FOXN3: variants seen among roughly 807,000 people sequenced by gnomAD.
FOXN3 encodes the protein forkhead box N3.
FOXN3 carries 7 observed loss-of-function variants against 38.4 expected under a neutral mutation model. That is an observed-to-expected ratio of 0.18 (90% confidence interval 0.10 to 0.34). The LOEUF (loss-of-function observed/expected upper bound fraction) is 0.34, where lower values mean the gene tolerates loss of function less well. FOXN3 is among the 10% of genes least tolerant of loss of function. The probability of loss-of-function intolerance (pLI) is 1.00; values close to 1 mark genes in which losing one functional copy is unlikely to be tolerated. For synonymous variants in FOXN3, 230 were observed against 242.2 expected (o/e 0.95, Z 0.47); for missense variants, 456 against 613.4 (o/e 0.74, Z 2.71).
chr14:89,333,181 G>C (rs1888304117), intron 3 of FOXN3: 1 of 161,700 alleles, frequency 6.2e-6, no homozygotes, highest in Non-Finnish European at 1.4e-5. Flanking sequence ...TGTAATCCCA[G>C]CACTTGGGAA....
chr14:89,550,731 G>A (rs565159578), intron 1 of FOXN3, among the ~76,000 whole-genome samples: 9 of 152,222 alleles, frequency 5.9e-5, no homozygotes, highest in South Asian at 4.2e-4. Flanking sequence ...CTGAGTCCTC[G>A]GGCGACTGCT....
chr14:89,596,112 TTTTA>T (rs953090163), intron 1 of FOXN3, among the ~76,000 whole-genome samples: 2 of 152,148 alleles, frequency 1.3e-5, no homozygotes, highest in African/African-American at 4.8e-5. Flanking sequence ...TTGTTTAGAA[TTTTA>T]TTTATTTATT....
intron 1 of FOXN3, among the ~76,000 whole-genome samples, chr14:89,487,170 A>T (rs1170589959): frequency 6.6e-6 from 1 of 152,182 alleles, no homozygotes; most frequent in Non-Finnish European, 1.5e-5. Flanking sequence ...CTCCTCACTA[A>T]ATGGGCTGCA....
At chr14:89,367,604 A>T (rs950091413) in intron 2 of FOXN3, among the ~76,000 whole-genome samples, 1 of 152,162 alleles carries the variant, frequency 6.6e-6, no homozygotes, top group Admixed American at 6.6e-5. Flanking sequence ...TCCAGCGGGA[A>T]CACAGGGTCA....
rs1440522932 is a variant in FOXN3, at chr14:89,360,783, ACCT to A, written c.544-9978_544-9976del. On this transcript the variant is annotated intron_variant, in intron 2 of 5. Transcript: ENST00000557258. ...CTCCACCACTACCACCTCCACCACCACCTCCACCACCACCACCTCCAGCACCAC... is the reference window on the plus strand; with the variant it reads ...CTCCACCACTACCACCTCCACCACCACCACCACCACCACCTCCAGCACCAC... Among the ~76,000 whole-genome samples, 74 of 67,158 alleles carry A rather than the reference ACCT, an allele frequency of 1.1e-3. 2 individuals are homozygous for A. Among genetic ancestry groups the A allele is most frequent in the East Asian group, 6.0e-3 (13 of 2,172 alleles). 44.1% of individuals were successfully genotyped at this position (67,158 alleles called of 152,430 possible).
At chr14:89,362,024 CTA>C (rs1305567892) in intron 2 of FOXN3, among the ~76,000 whole-genome samples, 3 of 8,108 alleles carry the variant, frequency 3.7e-4, no homozygotes, top group Non-Finnish European at 4.0e-4. Flanking sequence ...ACCTCCACCA[CTA>C]CCACCTCCAG....
chr14:89,524,352 C>G (rs1342487039), intron 1 of FOXN3, among the ~76,000 whole-genome samples: 1 of 92,904 alleles, frequency 1.1e-5, no homozygotes, highest in Non-Finnish European at 2.0e-5. Context: ...TCCAGCCTGG[C>G]GACAGCAAGA....
chr14:89,215,559 C>T (rs1884251392), intron 4 of FOXN3, among the ~76,000 whole-genome samples: 1 of 152,098 alleles, frequency 6.6e-6, no homozygotes, highest in Non-Finnish European at 1.5e-5. Context: ...TTGAATTCTA[C>T]CCGTTTAAAG....
chr14:89,542,983 C>T (rs1396759682), intron 1 of FOXN3, among the ~76,000 whole-genome samples: 2 of 152,192 alleles, frequency 1.3e-5, no homozygotes, highest in African/African-American at 4.8e-5. Flanking sequence ...GCACAAACTC[C>T]CCTGGTAGAA....
At chr14:89,458,329 G>C (rs371573639) in intron 1 of FOXN3, among the ~76,000 whole-genome samples, 35 of 152,300 alleles carry the variant, frequency 2.3e-4, no homozygotes, top group African/African-American at 8.4e-4. Flanking sequence ...CCTTATCCTT[G>C]TATTAGAAAC....
upstream of FOXN3, chr14:89,419,390 G>C (rs1891844893): frequency 2.9e-6 from 1 of 342,608 alleles, no homozygotes; most frequent in Non-Finnish European, 5.8e-6. Context: ...AAATTTGTTT[G>C]GGAACAACCC....
In FOXN3 at chr14:89,587,867, G is replaced by GAA. The variant is rs11366681; in HGVS notation, c.-15+31159_-15+31160dup. Among the ~76,000 whole-genome samples, 111 of 64,596 alleles carry GAA rather than the reference G, an allele frequency of 1.7e-3. 1 individual carries two copies. The highest frequency in any genetic ancestry group is 0.016 in the Middle Eastern group (1 of 64). 42.4% of individuals were successfully genotyped at this position (64,596 alleles called of 152,430 possible). Reference sequence around the variant, plus strand: ...GGTGAAAGAGTAAGACTCTGTCTCAGAAAAAAAAAAAAAAAAAAAAAAGCC... The same window carrying GAA: ...GGTGAAAGAGTAAGACTCTGTCTCAGAAAAAAAAAAAAAAAAAAAAAAAAGCC... On this transcript the variant is annotated intron_variant, in intron 1 of 6. Transcript: ENST00000345097.
intron 2 of FOXN3, among the ~76,000 whole-genome samples, chr14:89,392,002 C>T (rs1053413245): frequency 6.6e-6 from 1 of 152,124 alleles, no homozygotes; most frequent in African/African-American, 2.4e-5. Flanking sequence ...AAACTCTTTC[C>T]ATTTTGTTGT....
At chr14:89,447,579 G>A (rs148873728) in intron 1 of FOXN3, among the ~76,000 whole-genome samples, 10 of 152,022 alleles carry the variant, frequency 6.6e-5, no homozygotes, top group South Asian at 2.1e-4. Context: ...ATATTGCCAC[G>A]AGGAGAAGTA....
At chr14:89,353,714 T>C (rs1008980715) in intron 2 of FOXN3, 4 of 152,202 alleles carry the variant, frequency 2.6e-5, no homozygotes, top group African/African-American at 7.2e-5. Context: ...CTTGGTCAGT[T>C]CATTGTGGCC....
intron 3 of FOXN3, among the ~76,000 whole-genome samples, chr14:89,285,562 A>C (rs556956595): frequency 8.0e-4 from 121 of 152,156 alleles, no homozygotes; most frequent in Admixed American, 4.6e-4. Flanking sequence ...ATGCTACAAC[A>C]TGGATGAACC....
rs1441842924 is a variant in FOXN3 at position 89,162,851 on chromosome 14, G to T, written c.970C>A (p.Arg324=). 5 of 1,611,520 alleles carry T rather than the reference G, an allele frequency of 3.1e-6. No individual in the cohort carries two copies. In the East Asian group the frequency reaches 1.1e-4, roughly 36 times the overall value. ...GAGTCGCTGGTGGGCGAGGTGCTCCGGGCGTTGGAGGACTTGGCACTGCTG... is the reference window on the plus strand; with the variant it reads ...GAGTCGCTGGTGGGCGAGGTGCTCCTGGCGTTGGAGGACTTGGCACTGCTG... ...NYSSAKSSNA[R]STSPTSDSIS... Residue 324 remains arginine (R), a synonymous_variant, in exon 6 of 6, where the codon CGG becomes AGG. Transcript: ENST00000557258. This position sits in a 1 kb window ranked among gnomAD's most constrained non-coding sequence, Gnocchi z 7.2.
intron 1 of FOXN3, among the ~76,000 whole-genome samples, chr14:89,486,267 A>G (rs1233518977): frequency 1.3e-5 from 2 of 152,246 alleles, no homozygotes; most frequent in African/African-American, 4.8e-5. Context: ...GCTAATTTCT[A>G]TGTGAAAATT....
chr14:89,442,406 C>T (rs909156620), intron 1 of FOXN3, among the ~76,000 whole-genome samples: 1 of 152,162 alleles, frequency 6.6e-6, no homozygotes, highest in Non-Finnish European at 1.5e-5. Context: ...TCTTGGGAAA[C>T]AGGTCTGCTC....
Sources: allele counts gnomAD v4.1 joint callset (sites outside exome capture counted in the v4.1 genomes callset), GRCh38; gene constraint gnomAD v4.1.1; non-coding constraint Gnocchi (gnomAD v3.1); transcripts MANE v1.5; gene names NCBI Gene and HGNC (gene_info 2026-07-23, HGNC 2026-07-21).